Variants in MISP observed in about 807,000 individuals in gnomAD.
MISP encodes the protein mitotic interactor and substrate of PLK1.
A neutral mutation model predicts 49.3 loss-of-function variants in MISP; 51 were observed. The observed-to-expected ratio is 1.03, with a 90% CI of 0.83 to 1.31. The LOEUF (loss-of-function observed/expected upper bound fraction) is 1.31. Ranked by LOEUF, MISP falls within the 50% of genes most tolerant of loss-of-function variation. MISP has a pLI of 0.00. For synonymous variants in MISP, 444 were observed against 392.6 expected (o/e 1.13, Z -1.55); for missense variants, 1,084 against 935.1 (o/e 1.16, Z -2.08).
chr19:757,359 A>C lies in MISP; in HGVS notation c.413A>C (p.Asp138Ala). 6.2e-7 allele frequency: 1 copy of C among 1,613,338 alleles called. No homozygotes were observed. The highest frequency in any genetic ancestry group is 8.5e-7 in the Non-Finnish European group (1 of 1,179,752). Reference protein sequence around the residue: ...AGDADPRRLCDLERERWAVIQ... With the variant: ...AGDADPRRLCALERERWAVIQ... Reference sequence around the variant, plus strand: ...GACGCTGACCCCAGGAGGCTGTGTGACCTGGAGCGGGAGCGCTGGGCCGTC... The same window carrying C: ...GACGCTGACCCCAGGAGGCTGTGTGCCCTGGAGCGGGAGCGCTGGGCCGTC... The change falls in exon 2 of 5, where the codon GAC (aspartate) becomes GCC (alanine). Residue 138 changes from aspartate (D) to alanine (A), a missense_variant. Physicochemically the swap from Asp to Ala is moderately radical, Grantham distance 126. Transcript: ENST00000215582.
chr19:753,480 G>A (rs1168234033), intron 1 of MISP, among the ~76,000 whole-genome samples: 1 of 151,002 alleles, frequency 6.6e-6, no homozygotes, highest in Non-Finnish European at 1.5e-5. Context: ...CCACCTCCCG[G>A]GTTCACAGCA....
rs1347552976 is a variant in MISP, at chr19:763,847, T to C, written c.*257T>C. The C allele has an allele frequency of 1.0e-5, 5 of 497,920 alleles. No homozygotes were observed. The highest frequency in any genetic ancestry group is 7.7e-5 in the African/African-American group (4 of 51,728). 30.8% of individuals were successfully genotyped at this position (497,920 alleles called of 1,614,324 possible). ...TGAAATGGGACCCCTGCTGATTCTT[T>C]CTGCTTCTAAGACTTTGCCAAATGC... On this transcript the variant is annotated 3_prime_UTR_variant, in exon 5 of 5. Transcript: ENST00000215582.
At chr19:752,552 C>G in intron 1 of MISP, among the ~76,000 whole-genome samples, 2 of 128,558 alleles carry the variant, frequency 1.6e-5, no homozygotes, top group African/African-American at 3.0e-5. Context: ...CGGGGGTGGG[C>G]ACTGAGGCAC....
intron 2 of MISP, 112 bp downstream of exon 2, chr19:758,838 A>T: frequency 1.2e-6 from 1 of 808,120 alleles, no homozygotes; most frequent in Non-Finnish European, 1.9e-6. Context: ...TTGGGGAGAC[A>T]TTGCCTCCTG....
At position 764,140 on chromosome 19, in the gene MISP, C is replaced by T. The variant is rs1458424774; in HGVS notation, c.*550C>T. 6.5e-6 allele frequency: 1 copy of T among 152,930 alleles called. No homozygotes were observed. Among genetic ancestry groups the T allele is most frequent in the Non-Finnish European group, 1.5e-5 (1 of 68,584 alleles). The allele number at this position is 152,930 out of a possible 1,614,324, so 9.5% of individuals were successfully genotyped here. A position where few individuals can be genotyped will look rare whatever the true frequency, so the allele number is the denominator to read the frequency against. ...GTGCTGGGGGTCCCTGTGCAGCCCT[C>T]AAACCCTTCACCTTGGTGCACCCAG... is the stretch of plus-strand genomic sequence containing the variant. On this transcript the variant is annotated 3_prime_UTR_variant, in exon 5 of 5. Transcript: ENST00000215582.
intron 1 of MISP, among the ~76,000 whole-genome samples, chr19:752,268 C>G (rs1451724857): frequency 1.3e-5 from 2 of 152,156 alleles, no homozygotes; most frequent in Non-Finnish European, 2.9e-5. Flanking sequence ...GCTCTTCCCC[C>G]GAGGGCAGCG....
Position 758,349 on chromosome 19 carries a change from G to A in MISP, c.1403G>A (p.Arg468Lys), listed in dbSNP as rs771938582. Residue 468 changes from arginine (R) to lysine (K), a missense_variant, in exon 2 of 5, where the codon AGG (arginine) becomes AAG (lysine). By Grantham distance (26) the Arg-to-Lys change is conservative (BLOSUM62 2). Coordinates refer to ENST00000215582, the MANE Select transcript of MISP (RefSeq NM_173481.4). Reference protein sequence around the residue: ...ATSPKATMSPRHLSESSGKPL... With the variant: ...ATSPKATMSPKHLSESSGKPL... ...TCACCAAAGGCCACGATGTCCCCGA[G>A]GCATCTCTCAGAATCCTCTGGAAAA... 6.1e-5 allele frequency: 99 copies of A among 1,614,044 alleles called. No homozygotes were observed. In the Admixed American group the frequency reaches 1.5e-3, roughly 25 times the overall value.
chr19:762,113 A>AT lies in MISP; in HGVS notation c.1950+462dup, dbSNP rs34855086. Among the ~76,000 whole-genome samples, 323 of 142,244 alleles carry AT rather than the reference A, an allele frequency of 2.3e-3. 1 individual carries two copies. Among genetic ancestry groups the AT allele is most frequent in the East Asian group, 9.1e-3 (44 of 4,814 alleles). The allele number at this position is 142,244 out of a possible 152,430, so 93.3% of individuals were successfully genotyped here. A position where few individuals can be genotyped will look rare whatever the true frequency, so the allele number is the denominator to read the frequency against. ...CAGGCGCCCACCACCACGCCCGGCTATTTTTTTTTTTTGTATTTTTAGTAG... is the reference window on the plus strand; with the variant it reads ...CAGGCGCCCACCACCACGCCCGGCTATTTTTTTTTTTTTGTATTTTTAGTAG... On this transcript the variant is annotated intron_variant, in intron 4 of 4. Coordinates refer to ENST00000215582, the MANE Select transcript of MISP (RefSeq NM_173481.4).
At chr19:761,710 T>G in intron 4 of MISP, 47 bp downstream of exon 4, 1 of 1,608,298 alleles carries the variant, frequency 6.2e-7, no homozygotes, top group Non-Finnish European at 8.5e-7. Context: ...CCCCCCCACA[T>G]CTGTGCCCCT....
intron 1 of MISP, among the ~76,000 whole-genome samples, chr19:752,917 G>A (rs57576586): frequency 0.021 from 3,201 of 152,250 alleles, 127 homozygotes; most frequent in African/African-American, 0.074. Flanking sequence ...TCTGCATTCC[G>A]CAATGAGCCC....
chr19:762,819 T>G (rs2033694668), intron 4 of MISP, among the ~76,000 whole-genome samples: 1 of 151,842 alleles, frequency 6.6e-6, no homozygotes, highest in African/African-American at 2.4e-5. Flanking sequence ...TGCACCCAGA[T>G]AGTTTATTTT....
chr19:749,618 G>C (rs2033428524), upstream of MISP, among the ~76,000 whole-genome samples: 3 of 152,218 alleles, frequency 2.0e-5, no homozygotes, highest in Non-Finnish European at 4.4e-5. Context: ...ATCACCTGAG[G>C]TCAGGAGTTC....
intron 1 of MISP, among the ~76,000 whole-genome samples, chr19:751,376 T>C (rs2033457127): frequency 6.6e-6 from 1 of 152,108 alleles, no homozygotes; most frequent in Admixed American, 6.5e-5. Flanking sequence ...CTAGGTACTC[T>C]GGGGCCTCAA....
At chr19:754,908 G>T in intron 1 of MISP, among the ~76,000 whole-genome samples, 1 of 149,014 alleles carries the variant, frequency 6.7e-6, no homozygotes, top group Non-Finnish European at 1.5e-5. Flanking sequence ...GCCTGGTTTG[G>T]GTGGAAGAGG....
rs1434400348 is a variant in MISP at position 760,052 on chromosome 19, C to T, written c.1911+13C>T. 6.2e-7 allele frequency: 1 copy of T among 1,613,164 alleles called. No homozygotes were observed. Among genetic ancestry groups the T allele is most frequent in the Non-Finnish European group, 8.5e-7 (1 of 1,179,580 alleles). ...GAAGGAGCAATGGGTGAGTCTGGAA[C>T]CCGTCTCTGCAGAGGCCAGGCTGAG... On this transcript the variant is annotated intron_variant, in intron 3 of 4. Coordinates refer to ENST00000215582, the MANE Select transcript of MISP (RefSeq NM_173481.4).
chr19:760,770 G>C (rs61227563), intron 3 of MISP, among the ~76,000 whole-genome samples: 2 of 151,964 alleles, frequency 1.3e-5, no homozygotes, highest in Non-Finnish European at 2.9e-5. Flanking sequence ...GAGGGAGGGA[G>C]AGGGAGAGAC....
Position 758,307 on chromosome 19 carries a change from A to G in MISP, c.1361A>G (p.Glu454Gly). The G allele has an allele frequency of 6.2e-7, 1 of 1,614,084 alleles. No homozygotes were observed. The highest frequency in any genetic ancestry group is 8.5e-7 in the Non-Finnish European group (1 of 1,180,040). Residue 454 changes from glutamate to glycine, a missense_variant, in exon 2 of 5, where the codon GAG becomes GGG. Transcript: ENST00000215582. ...FGKPSSLSTAEAKAATSPKAT... is the reference protein window; with the variant it reads ...FGKPSSLSTAGAKAATSPKAT... ...AAGCCCAGCAGTCTCTCCACAGCGG[A>G]GGCCAAGGCTGCGACTTCACCAAAG...
At position 757,334 on chromosome 19, in the gene MISP, G is replaced by T. The variant is rs536955289; in HGVS notation, c.388G>T (p.Asp130Tyr). The change falls in exon 2 of 5, where the codon GAC (aspartate) becomes TAC (tyrosine). Residue 130 changes from aspartate to tyrosine, a missense_variant. Asp to Tyr is a radical substitution (Grantham distance 160). Coordinates refer to ENST00000215582, the MANE Select transcript of MISP (RefSeq NM_173481.4). ...GAAGACCTACCGCCTGGATGCTGGGGACGCTGACCCCAGGAGGCTGTGTGA... is the reference window on the plus strand; with the variant it reads ...GAAGACCTACCGCCTGGATGCTGGGTACGCTGACCCCAGGAGGCTGTGTGA... ...EMKTYRLDAG[D>Y]ADPRRLCDLE... 10 of 1,613,930 alleles carry T rather than the reference G, an allele frequency of 6.2e-6. No homozygotes were observed. In the African/African-American group the frequency reaches 1.2e-4, roughly 19 times the overall value.
chr19:753,577 T>C (rs1483259530), intron 1 of MISP, among the ~76,000 whole-genome samples: 2 of 151,490 alleles, frequency 1.3e-5, no homozygotes, highest in African/African-American at 4.8e-5. Flanking sequence ...TTAGTAGAGA[T>C]GGGGTTTCAC....
Sources: allele counts gnomAD v4.1 joint callset (sites outside exome capture counted in the v4.1 genomes callset), GRCh38; gene constraint gnomAD v4.1.1; transcripts MANE v1.5; gene names NCBI Gene and HGNC (gene_info 2026-07-23, HGNC 2026-07-21).